Variants in HPRT1 observed in about 807,000 individuals in gnomAD.
HPRT1 encodes the protein hypoxanthine-guanine phosphoribosyltransferase.
In HPRT1, 4 loss-of-function variants were observed where a neutral mutation model predicts 19.0. The observed-to-expected ratio is 0.21, with a 90% CI of 0.10 to 0.48. HPRT1 has a LOEUF of 0.48. HPRT1 is among the 20% of genes least tolerant of loss of function. HPRT1 has a pLI of 0.98. For missense variants in HPRT1, 65 were observed against 164.0 expected (o/e 0.40, Z 3.30); for synonymous variants, 53 against 54.9 (o/e 0.97, Z 0.15).
intron 3 of HPRT1, among the ~76,000 whole-genome samples, chrX:134,477,836 G>A (rs1162692689): frequency 9.7e-6 from 1 of 103,527 alleles, no homozygotes; most frequent in African/African-American, 3.8e-5. Flanking sequence ...CACCATGGCT[G>A]GCTAATTTTT....
At chrX:134,460,432 G>C (rs1381820288) in intron 1 of HPRT1, 94 bp downstream of exon 1, 2 of 752,455 alleles carry the variant, frequency 2.7e-6, no homozygotes, top group Non-Finnish European at 3.4e-6. Flanking sequence ...TGCGGGCTCG[G>C]GCGGCCGGGC....
At chrX:134,498,039 A>C (rs1472429766) in intron 6 of HPRT1, among the ~76,000 whole-genome samples, 1 of 111,964 alleles carries the variant, frequency 8.9e-6, no homozygotes, top group Non-Finnish European at 1.9e-5. Context: ...AGGTTTCTAG[A>C]CTGAGAGCCC....
intron 1 of HPRT1, among the ~76,000 whole-genome samples, chrX:134,466,656 G>A (rs142204295): frequency 8.9e-6 from 1 of 111,948 alleles, no homozygotes; most frequent in African/African-American, 3.2e-5. Flanking sequence ...TTCAGAAGGT[G>A]TTGATAATAA....
intron 5 of HPRT1, among the ~76,000 whole-genome samples, chrX:134,492,008 TATAA>T (rs1304589910): frequency 2.0e-5 from 2 of 99,774 alleles, no homozygotes; most frequent in Non-Finnish European, 4.0e-5. Context: ...TACACACATA[TATAA>T]ATATATATAC....
At chrX:134,489,847 G>A (rs1409212353) in intron 4 of HPRT1, among the ~76,000 whole-genome samples, 1 of 111,742 alleles carries the variant, frequency 8.9e-6, no homozygotes, top group East Asian at 2.8e-4. Context: ...GAGACTATAA[G>A]AGACCAACTG....
chrX:134,465,860 C>G (rs2077595582), intron 1 of HPRT1, among the ~76,000 whole-genome samples: 1 of 111,779 alleles, frequency 8.9e-6, no homozygotes, highest in African/African-American at 3.3e-5. Flanking sequence ...ACTTCTAGGC[C>G]CCTCCAGAGC....
intron 5 of HPRT1, among the ~76,000 whole-genome samples, chrX:134,491,986 C>T (rs1224724425): frequency 1.1e-5 from 1 of 87,907 alleles, no homozygotes; most frequent in Non-Finnish European, 2.2e-5. Flanking sequence ...AATATATATA[C>T]ATATATATAT....
intron 3 of HPRT1, among the ~76,000 whole-genome samples, chrX:134,485,835 C>T (rs1295341576): frequency 8.9e-6 from 1 of 112,208 alleles, no homozygotes; most frequent in Non-Finnish European, 1.9e-5. Flanking sequence ...CCACCAACTA[C>T]AGTGGGTGTT....
chrX:134,460,998 C>G (rs1314254814), intron 1 of HPRT1, among the ~76,000 whole-genome samples: 4 of 110,994 alleles, frequency 3.6e-5, no homozygotes, highest in Non-Finnish European at 7.5e-5. Flanking sequence ...CCATGCTGAC[C>G]GATGCCCCAG....
chrX:134,477,415 T>G (rs768414042), intron 3 of HPRT1, among the ~76,000 whole-genome samples: 1 of 111,182 alleles, frequency 9.0e-6, no homozygotes, highest in East Asian at 2.8e-4. Context: ...TATAATATAA[T>G]AATCACATGT....
intron 5 of HPRT1, 33 bp downstream of exon 5, chrX:134,490,238 ATGACTTTT>A (rs778434365): frequency 4.4e-6 from 4 of 901,757 alleles, no homozygotes; most frequent in Non-Finnish European, 6.4e-6. Flanking sequence ...TATAACATTT[ATGACTTTT>A]CTAACTTAGT....
intron 5 of HPRT1, among the ~76,000 whole-genome samples, chrX:134,491,960 TAC>T (rs1294775743): frequency 8.8e-4 from 88 of 99,651 alleles, no homozygotes; most frequent in African/African-American, 2.9e-3. Flanking sequence ...TATATATATA[TAC>T]ACACACATAT....
chrX:134,460,214 G>T lies in HPRT1; in HGVS notation c.-98G>T, dbSNP rs1479468383. On this transcript the variant is annotated 5_prime_UTR_variant, in exon 1 of 9. Coordinates refer to ENST00000298556, the MANE Select transcript of HPRT1 (RefSeq NM_000194.3). ...CTCAGGCGAACCTCTCGGCTTTCCC[G>T]CGCGGCGCCGCCTCTTGCTGCGCCT... The T allele has an allele frequency of 8.4e-6, 8 of 950,421 alleles. No individual in the cohort carries two copies. Among genetic ancestry groups the T allele is most frequent in the Non-Finnish European group, 1.4e-6 (1 of 706,116 alleles). The allele number at this position is 950,421 out of a possible 1,213,427, so 78.3% of individuals were successfully genotyped here.
intron 3 of HPRT1, among the ~76,000 whole-genome samples, chrX:134,483,542 G>A (rs2077645152): frequency 9.0e-6 from 1 of 111,535 alleles, no homozygotes; most frequent in African/African-American, 3.3e-5. Flanking sequence ...TGAGAGGAGT[G>A]AGGAGATAGG....
chrX:134,478,042 A>G (rs1168918780), intron 3 of HPRT1, among the ~76,000 whole-genome samples: 1 of 112,187 alleles, frequency 8.9e-6, no homozygotes, highest in Admixed American at 9.5e-5. Context: ...ATATATGCAT[A>G]TAAAACATTA....
At chrX:134,463,940 G>T (rs151053586) in intron 1 of HPRT1, among the ~76,000 whole-genome samples, 1 of 111,692 alleles carries the variant, frequency 9.0e-6, no homozygotes, top group African/African-American at 3.3e-5. Context: ...CTACTAGTTC[G>T]ATCACATACT....
At position 134,460,236 on chromosome X, in the gene HPRT1, G is replaced by A. The variant is rs2077578828; in HGVS notation, c.-76G>A. 2 of 1,050,010 alleles carry A rather than the reference G, an allele frequency of 1.9e-6. No individual in the cohort carries two copies. The highest frequency in any genetic ancestry group is 3.8e-5 in the East Asian group (1 of 26,592). The allele number at this position is 1,050,010 out of a possible 1,213,427, so 86.5% of individuals were successfully genotyped here. Reference sequence around the variant, plus strand: ...CCCGCGCGGCGCCGCCTCTTGCTGCGCCTCCGCCTCCTCCTCTGCTCCGCC... The same window carrying A: ...CCCGCGCGGCGCCGCCTCTTGCTGCACCTCCGCCTCCTCCTCTGCTCCGCC... On this transcript the variant is annotated 5_prime_UTR_variant, in exon 1 of 9. Transcript: ENST00000298556.
chrX:134,467,068 G>A (rs2077598947), intron 1 of HPRT1, among the ~76,000 whole-genome samples: 1 of 65,355 alleles, frequency 1.5e-5, no homozygotes, highest in African/African-American at 7.6e-5. Flanking sequence ...TTTTTGTGAC[G>A]GAGTCTTGCT....
At chrX:134,469,538 C>T (rs1410778620) in intron 1 of HPRT1, among the ~76,000 whole-genome samples, 1 of 111,884 alleles carries the variant, frequency 8.9e-6, no homozygotes, top group Non-Finnish European at 1.9e-5. Context: ...GCAGAATTCA[C>T]ATGGGCTTCC....
Sources: allele counts gnomAD v4.1 joint callset (sites outside exome capture counted in the v4.1 genomes callset), GRCh38; gene constraint gnomAD v4.1.1; transcripts MANE v1.5; gene names NCBI Gene and HGNC (gene_info 2026-07-23, HGNC 2026-07-21).